Variants in PTPRN2 observed in about 807,000 individuals in gnomAD.
PTPRN2 encodes the protein receptor-type tyrosine-protein phosphatase N2.
Under a neutral mutation model 118.8 loss-of-function variants are expected in PTPRN2, and 74 were observed. The ratio of observed to expected loss-of-function variants is 0.62; its 90% CI spans 0.52 to 0.76. The LOEUF is 0.76. Ranked by LOEUF, PTPRN2 falls within the 30% of genes least tolerant of loss-of-function variation. The pLI is 0.00. For synonymous variants in PTPRN2, 641 were observed against 608.0 expected, an observed-to-expected ratio of 1.05 and a Z score of -0.80; for missense variants, 1,481 against 1,394.4, an observed-to-expected ratio of 1.06 and a Z score of -0.99.
chr7:157,962,784 CA>C (rs1946245866), intron 11 of PTPRN2, among the ~76,000 whole-genome samples: 1 of 152,188 alleles, frequency 6.6e-6, no homozygotes. Flanking sequence ...ATCTCAGCCT[CA>C]CCCCAGAAGG....
intron 2 of PTPRN2, among the ~76,000 whole-genome samples, chr7:158,337,400 AG>A (rs1805849591): frequency 3.5e-5 from 5 of 142,998 alleles, no homozygotes; most frequent in South Asian, 2.4e-4. Flanking sequence ...TAACACCTGC[AG>A]ACGTCCCTCA....
At position 157,816,280 on chromosome 7, in the gene PTPRN2, C is replaced by T. The variant is rs572269338; in HGVS notation, c.1788+82393G>A. ...TCCCTGGGCCATGCTGCCTTGCAGA[C>T]TCTGCTGCTCGGTGTGGTCGGGGGC... On this transcript the variant is annotated intron_variant, in intron 12 of 22. Coordinates refer to ENST00000389418, the MANE Select transcript of PTPRN2 (RefSeq NM_002847.5). Among the ~76,000 whole-genome samples, 21 of 152,360 alleles carry T rather than the reference C, an allele frequency of 1.4e-4. No homozygotes were observed. In the South Asian group the frequency reaches 4.3e-3, roughly 32 times the overall value.
intron 9 of PTPRN2, among the ~76,000 whole-genome samples, chr7:158,111,338 G>A (rs775654951): frequency 8.5e-5 from 13 of 152,208 alleles, no homozygotes; most frequent in Non-Finnish European, 1.2e-4. Flanking sequence ...CAATGGAAGT[G>A]TGAGCATGGA....
intron 21 of PTPRN2, among the ~76,000 whole-genome samples, chr7:157,551,200 A>G (rs895099591): frequency 1.2e-4 from 18 of 152,144 alleles, no homozygotes; most frequent in African/African-American, 4.3e-4. Context: ...CTGCACAAAC[A>G]TTCGTGCTTG....
In PTPRN2 at chr7:158,274,386, G is replaced by GGCACAGGGGGAGCCA. The variant is rs1798807526; in HGVS notation, c.277+42432_277+42433insTGGCTCCCCCTGTGC. Among the ~76,000 whole-genome samples the GGCACAGGGGGAGCCA allele has an allele frequency of 3.3e-5, 3 of 91,052 alleles. 1 individual carries two copies. The highest frequency in any genetic ancestry group is 1.6e-4 in the African/African-American group (3 of 19,044). The allele number at this position is 91,052 out of a possible 152,430, so 59.7% of individuals were successfully genotyped here. On this transcript the variant is annotated intron_variant, in intron 3 of 22. Transcript: ENST00000389418. ...GGGAGCCGCAGACACAGGGGGAGCCGCAGGCACAGGGGGAGCCACAGGCAC... is the reference window on the plus strand; with the variant it reads ...GGGAGCCGCAGACACAGGGGGAGCCGGCACAGGGGGAGCCACAGGCACAGGGGGAGCCACAGGCAC...
intron 14 of PTPRN2, among the ~76,000 whole-genome samples, chr7:157,643,878 G>A (rs1278031541): frequency 3.3e-4 from 50 of 152,226 alleles, no homozygotes; most frequent in Admixed American, 3.3e-3. Flanking sequence ...GGCTGTGGCA[G>A]GTGACAGCCC....
At chr7:157,806,603 TAA>T (rs948579473) in intron 12 of PTPRN2, among the ~76,000 whole-genome samples, 1 of 152,186 alleles carries the variant, frequency 6.6e-6, no homozygotes, top group Non-Finnish European at 1.5e-5. Context: ...TGTGTGCCCA[TAA>T]AGATATATGC....
intron 3 of PTPRN2, among the ~76,000 whole-genome samples, chr7:158,235,439 G>A (rs1829468957): frequency 1.3e-5 from 2 of 152,172 alleles, no homozygotes; most frequent in Admixed American, 1.3e-4. Context: ...GCCTGTCATA[G>A]GCACCAACAT....
chr7:158,411,891 C>T (rs761219158), intron 2 of PTPRN2, among the ~76,000 whole-genome samples: 8 of 152,080 alleles, frequency 5.3e-5, no homozygotes, highest in East Asian at 1.9e-4. Flanking sequence ...AATGAGGCTG[C>T]GCACATGAGA....
At chr7:157,708,357 T>A (rs1798437358) in intron 12 of PTPRN2, among the ~76,000 whole-genome samples, 1 of 152,154 alleles carries the variant, frequency 6.6e-6, no homozygotes, top group Non-Finnish European at 1.5e-5. Context: ...TGTGCAAGCA[T>A]CACCATCTGC....
intron 3 of PTPRN2, among the ~76,000 whole-genome samples, chr7:158,276,599 G>C (rs1241758016): frequency 6.0e-5 from 9 of 149,442 alleles, no homozygotes; most frequent in Admixed American, 6.0e-4. Context: ...CTTGTTGGTA[G>C]CTTCCTTCTT....
intron 3 of PTPRN2, among the ~76,000 whole-genome samples, chr7:158,289,522 C>A (rs1799971459): frequency 6.6e-6 from 1 of 152,074 alleles, no homozygotes; most frequent in Admixed American, 6.5e-5. Flanking sequence ...ATAATTTATA[C>A]CTCTCTGTGG....
chr7:158,514,765 C>T (rs1823414027), intron 1 of PTPRN2, among the ~76,000 whole-genome samples: 1 of 152,158 alleles, frequency 6.6e-6, no homozygotes, highest in Non-Finnish European at 1.5e-5. Flanking sequence ...GAAAATAAAA[C>T]ATAAGAGGAT....
rs959083945 is a variant in PTPRN2 at position 158,438,065 on chromosome 7, C to A, written c.163+51670G>T. Among the ~76,000 whole-genome samples, 1 of 152,178 alleles carries A rather than the reference C, an allele frequency of 6.6e-6. No homozygotes were observed. The highest frequency in any genetic ancestry group is 2.1e-4 in the South Asian group (1 of 4,828). ...GCAGGGAGTGGGCTCCCTAACAGTG[C>A]CCCTCCGATGGGTCTTTTTTAAGTT... On this transcript the variant is annotated intron_variant, in intron 2 of 22. Transcript: ENST00000389418. The surrounding 1 kb of genome is among the most constrained non-coding windows in gnomAD (Gnocchi z 4.7).
chr7:158,437,341 T>C (rs1373509568), intron 2 of PTPRN2, among the ~76,000 whole-genome samples: 1 of 152,258 alleles, frequency 6.6e-6, no homozygotes, highest in East Asian at 1.9e-4. Context: ...CTTTATTTTC[T>C]TGAACATATC....
chr7:158,096,560 C>A (rs760664717), intron 10 of PTPRN2, among the ~76,000 whole-genome samples: 9 of 152,312 alleles, frequency 5.9e-5, no homozygotes, highest in African/African-American at 2.2e-4. Flanking sequence ...AAAGACGGGA[C>A]GGGGAGTTTT....
rs1230961008 is a variant in PTPRN2 at position 157,585,645 on chromosome 7, T to C, written c.2497-7505A>G. On this transcript the variant is annotated intron_variant, in intron 17 of 22. Transcript: ENST00000389418. This position sits in a 1 kb window ranked among gnomAD's most constrained non-coding sequence, Gnocchi z 5.2. ...CGGTTAAATATGCGCCTGGTCTCCT[T>C]GCGGGGAGCTGCTGCACTGGGCGGC... Among the ~76,000 whole-genome samples, 1 of 152,178 alleles carries C rather than the reference T, an allele frequency of 6.6e-6. No individual in the cohort carries two copies. Among genetic ancestry groups the C allele is most frequent in the Non-Finnish European group, 1.5e-5 (1 of 68,024 alleles).
chr7:158,506,790 T>C (rs1822780325), intron 1 of PTPRN2, among the ~76,000 whole-genome samples: 2 of 151,442 alleles, frequency 1.3e-5, no homozygotes, highest in South Asian at 4.2e-4. Context: ...AAGGCCTGGG[T>C]GTCTCCTCAC....
At chr7:158,369,172 C>A (rs950628381) in intron 2 of PTPRN2, among the ~76,000 whole-genome samples, 2 of 151,782 alleles carry the variant, frequency 1.3e-5, no homozygotes, top group Non-Finnish European at 2.9e-5. Context: ...AGCCTTGGGA[C>A]CTGGACTGGC....
Sources: gnomAD v4.1 joint callset for allele counts (sites outside exome capture counted in the v4.1 genomes callset) on GRCh38, gnomAD v4.1.1 for gene constraint, Gnocchi (gnomAD v3.1) non-coding constraint, MANE v1.5 for transcripts, NCBI Gene and HGNC (gene_info 2026-07-23, HGNC 2026-07-21) for gene names.